Variants in CFAP20DC observed in about 807,000 individuals in gnomAD.
CFAP20DC encodes the protein protein CFAP20DC.
In CFAP20DC, 84 loss-of-function variants were observed where a neutral mutation model predicts 101.7. The observed-to-expected ratio is 0.83, with a 90% CI of 0.69 to 0.99. CFAP20DC has a LOEUF of 0.99. CFAP20DC is among the 50% of genes least tolerant of loss of function. CFAP20DC has a pLI of 0.00. For missense variants in CFAP20DC, 1,007 were observed against 970.3 expected (o/e 1.04, Z -0.50); for synonymous variants, 359 against 351.2 (o/e 1.02, Z -0.25).
intron 6 of CFAP20DC, among the ~76,000 whole-genome samples, chr3:58,890,625 C>G (rs1343585845): frequency 6.6e-6 from 1 of 151,470 alleles, no homozygotes; most frequent in Non-Finnish European, 1.5e-5. Flanking sequence ...TCCTCACTTC[C>G]CAGATGGGGT....
chr3:58,728,770 A>G lies in CFAP20DC; in HGVS notation c.198-11142T>C, dbSNP rs899383118. ...GATTCTTCTCATCTATGAACATGGA[A>G]CATCCTTTCAATTACTAGGTCTTTG... is the stretch of plus-strand genomic sequence containing the variant. On this transcript the variant is annotated intron_variant, in intron 3 of 3. Coordinates refer to the CFAP20DC transcript ENST00000486145. The surrounding 1 kb of genome is among the most constrained non-coding windows in gnomAD (Gnocchi z 4.7). 1.3e-5 allele frequency among the ~76,000 whole-genome samples: 2 copies of G among 152,174 alleles called. No homozygotes were observed. The highest frequency in any genetic ancestry group is 2.9e-5 in the Non-Finnish European group (2 of 68,030).
At chr3:59,048,096 G>A (rs997070741) in intron 1 of CFAP20DC, among the ~76,000 whole-genome samples, 6 of 152,160 alleles carry the variant, frequency 3.9e-5, no homozygotes, top group African/African-American at 9.7e-5. Flanking sequence ...GCACACTGAA[G>A]ATATTACTGA....
chr3:58,881,072 AAAG>A lies in CFAP20DC; in HGVS notation c.715+3470_715+3472del, dbSNP rs2108624465. ...ATCTTACTTTCATATTGTGGAACCA[AAAG>A]AAGAATTTTTAGTAAGGATTTCACC... On this transcript the variant is annotated intron_variant, in intron 7 of 16. Coordinates refer to ENST00000482387, the MANE Select transcript of CFAP20DC (RefSeq NM_001394063.1). Among the ~76,000 whole-genome samples, 3 of 152,298 alleles carry A rather than the reference AAAG, an allele frequency of 2.0e-5. No individual in the cohort carries two copies. In the South Asian group the frequency reaches 6.2e-4, roughly 32 times the overall value.
intron 15 of CFAP20DC, among the ~76,000 whole-genome samples, chr3:58,771,011 A>C (rs59037481): frequency 0.17 from 25,148 of 152,050 alleles, 4,259 homozygotes; most frequent in African/African-American, 0.42. Flanking sequence ...CAAATGTCCA[A>C]CAATGATAGA....
intron 15 of CFAP20DC, among the ~76,000 whole-genome samples, chr3:58,773,388 C>CAA (rs752693103): frequency 3.5e-4 from 35 of 99,120 alleles, no homozygotes; most frequent in African/African-American, 1.3e-3. Flanking sequence ...TCATCTCTAG[C>CAA]AAAAAAAAAA....
chr3:58,901,494 T>C (rs1373852786), intron 6 of CFAP20DC, among the ~76,000 whole-genome samples: 4 of 152,164 alleles, frequency 2.6e-5, no homozygotes, highest in Admixed American at 6.5e-5. Flanking sequence ...CAAAGGGCTA[T>C]TGTGATAATT....
chr3:58,779,480 G>A (rs1043247388), intron 15 of CFAP20DC, among the ~76,000 whole-genome samples: 2 of 152,082 alleles, frequency 1.3e-5, no homozygotes, highest in Non-Finnish European at 2.9e-5. Context: ...AAATATCTGT[G>A]CACCCAACAT....
At chr3:58,798,266 C>G (rs2073405639) in intron 15 of CFAP20DC, among the ~76,000 whole-genome samples, 1 of 152,164 alleles carries the variant, frequency 6.6e-6, no homozygotes, top group South Asian at 2.1e-4. Context: ...ATGCAGCATT[C>G]ATGGGAGGAG....
At chr3:58,858,912 A>G (rs569894236) in intron 12 of CFAP20DC, among the ~76,000 whole-genome samples, 3 of 152,344 alleles carry the variant, frequency 2.0e-5, no homozygotes, top group South Asian at 2.1e-4. Flanking sequence ...AAATTCAGCT[A>G]AAGACAGTCC....
In CFAP20DC at chr3:58,869,371, A is replaced by C. The variant is rs770109570; in HGVS notation, c.972T>G (p.Asn324Lys). 2 of 1,613,548 alleles carry C rather than the reference A, an allele frequency of 1.2e-6. No homozygotes were observed. Among genetic ancestry groups the C allele is most frequent in the African/African-American group, 2.7e-5 (2 of 74,906 alleles). ...GCTTTATTTGGTGAATATTTTCTTT[A>C]TTTCCTTGTTCCTCAGACTCAGGTA... ...LLIPESEEQG[N>K]KENIHQIKQT... Residue 324 changes from asparagine to lysine, a missense_variant, in exon 9 of 17, where the codon AAT becomes AAG. Transcript: ENST00000482387. The surrounding 1 kb of genome is among the most constrained non-coding windows in gnomAD (Gnocchi z 4.3).
At chr3:59,042,149 C>T (rs1334899004) in intron 3 of CFAP20DC, among the ~76,000 whole-genome samples, 2 of 151,828 alleles carry the variant, frequency 1.3e-5, no homozygotes, top group Non-Finnish European at 1.5e-5. Flanking sequence ...ACTGGGCAAG[C>T]GGGATGGGTG....
intron 14 of CFAP20DC, among the ~76,000 whole-genome samples, chr3:58,808,253 A>G (rs2074282923): frequency 6.6e-6 from 1 of 152,202 alleles, no homozygotes; most frequent in Non-Finnish European, 1.5e-5. Context: ...ACTCCAAGAC[A>G]CATAATTGTC....
chr3:58,742,549 C>A lies in CFAP20DC; in HGVS notation c.2356G>T (p.Glu786Ter). The change falls in exon 17 of 17, where the codon GAG (glutamate) becomes TAG (stop). Residue 786 changes from glutamate to a stop codon, truncating the protein, a stop_gained. Transcript: ENST00000482387. LOFTEE classifies it high-confidence loss of function. ...VQGEEDLSVE[E>*]DEEVLTLLYD... ...AACAAAGTCAGTACTTCCTCGTCCT[C>A]TTCCACACTGAGGTCTTCTTCACCT... The A allele has an allele frequency of 3.7e-6, 6 of 1,604,418 alleles. No homozygotes were observed. Among genetic ancestry groups the A allele is most frequent in the Non-Finnish European group, 5.1e-6 (6 of 1,175,250 alleles).
At chr3:58,838,256 T>C (rs1197094607) in intron 13 of CFAP20DC, among the ~76,000 whole-genome samples, 1 of 152,166 alleles carries the variant, frequency 6.6e-6, no homozygotes, top group Non-Finnish European at 1.5e-5. Flanking sequence ...TTGAGTTACA[T>C]AGCAGGAATC....
chr3:58,975,968 C>T (rs981469672), intron 4 of CFAP20DC, among the ~76,000 whole-genome samples: 7 of 152,154 alleles, frequency 4.6e-5, no homozygotes, highest in African/African-American at 1.4e-4. Flanking sequence ...CACCGAAGTG[C>T]TTCTCTTATC....
intron 15 of CFAP20DC, among the ~76,000 whole-genome samples, chr3:58,796,411 C>T (rs1481216060): frequency 3.3e-5 from 5 of 152,130 alleles, no homozygotes. Flanking sequence ...TTAACTGAGG[C>T]TTTCTCTGGG....
chr3:58,762,126 T>G (rs1473520990), intron 15 of CFAP20DC, among the ~76,000 whole-genome samples: 1 of 152,206 alleles, frequency 6.6e-6, no homozygotes, highest in Non-Finnish European at 1.5e-5. Flanking sequence ...TGTCTAATGT[T>G]GACAGTGGGG....
At position 59,006,516 on chromosome 3, in the gene CFAP20DC, T is replaced by A. The variant is rs1168670396; in HGVS notation, c.278+33041A>T. On this transcript the variant is annotated intron_variant, in intron 4 of 16. Transcript: ENST00000482387. The surrounding 1 kb of genome is among the most constrained non-coding windows in gnomAD (Gnocchi z 4.3). ...AAAGTGTGAGGTGGGGAATCCTGCC[T>A]CTGAACACACATCCCCACTGGGGAA... is the stretch of plus-strand genomic sequence containing the variant. Among the ~76,000 whole-genome samples, 1 of 152,196 alleles carries A rather than the reference T, an allele frequency of 6.6e-6. No homozygotes were observed. The highest frequency in any genetic ancestry group is 6.5e-5 in the Admixed American group (1 of 15,286).
At chr3:58,858,695 C>T (rs1469023084) in intron 12 of CFAP20DC, among the ~76,000 whole-genome samples, 2 of 152,110 alleles carry the variant, frequency 1.3e-5, no homozygotes, top group Non-Finnish European at 2.9e-5. Context: ...TAAAAAAACA[C>T]ATCTGCAATA....
Sources: allele counts gnomAD v4.1 joint callset (sites outside exome capture counted in the v4.1 genomes callset), GRCh38; gene constraint gnomAD v4.1.1; non-coding constraint Gnocchi (gnomAD v3.1); transcripts MANE v1.5; gene names NCBI Gene and HGNC (gene_info 2026-07-23, HGNC 2026-07-21).